Variants in CELF2 observed in about 807,000 individuals in gnomAD.
The protein encoded by CELF2 is CUGBP Elav-like family member 2, also known as CUG triplet repeat RNA-binding protein 2.
CELF2 carries 8 observed loss-of-function variants against 62.6 expected under a neutral mutation model. The observed-to-expected ratio is 0.13, with a 90% confidence interval of 0.07 to 0.23. CELF2 has a LOEUF of 0.23. CELF2 is among the 10% of genes least tolerant of loss of function. The pLI is 1.00. For synonymous variants in CELF2, 258 were observed against 250.0 expected, an observed-to-expected ratio of 1.03 and a Z score of -0.30; for missense variants, 333 against 671.0, an observed-to-expected ratio of 0.50 and a Z score of 5.56.
At chr10:10,602,986 A>G in the CELF2 span, among the ~76,000 whole-genome samples, 2 of 152,234 alleles carry the variant, frequency 1.3e-5, no homozygotes, top group African/African-American at 4.8e-5. Flanking sequence ...GCCCAGGGAA[A>G]GCACAAAGAG....
rs528769359 is a variant in CELF2 at position 10,800,817 on chromosome 10, T to G, written c.53+2000T>G. On this transcript the variant is annotated intron_variant, in intron 1 of 13. Coordinates refer to the CELF2 transcript ENST00000636488. ...AAATGGTAAAGTGCTTCTTTAAATGTTCTTAGGATACATCTATTAGAATAA... is the reference window on the plus strand; with the variant it reads ...AAATGGTAAAGTGCTTCTTTAAATGGTCTTAGGATACATCTATTAGAATAA... 1.2e-3 allele frequency among the ~76,000 whole-genome samples: 186 copies of G among 152,300 alleles called. 1 individual carries two copies. Among genetic ancestry groups the G allele is most frequent in the Non-Finnish European group, 3.2e-4 (22 of 68,024 alleles).
chr10:11,153,996 G>T (rs2063820810), intron 1 of CELF2, among the ~76,000 whole-genome samples: 1 of 152,180 alleles, frequency 6.6e-6, no homozygotes, highest in Admixed American at 6.5e-5. Context: ...ACTCCATCTG[G>T]CTGTGTTTGG....
At chr10:10,632,133 T>C in the CELF2 span, among the ~76,000 whole-genome samples, 3 of 152,196 alleles carry the variant, frequency 2.0e-5, no homozygotes, top group African/African-American at 7.2e-5. Flanking sequence ...GCCAAAATGC[T>C]TTAGGCTATA....
the CELF2 span, among the ~76,000 whole-genome samples, chr10:10,683,100 T>G: frequency 6.6e-6 from 1 of 152,218 alleles, no homozygotes; most frequent in African/African-American, 2.4e-5. Flanking sequence ...TTTGCCCTCT[T>G]AAATAATTTA....
At chr10:10,487,035 T>C in the CELF2 span, among the ~76,000 whole-genome samples, 1 of 152,164 alleles carries the variant, frequency 6.6e-6, no homozygotes, top group Admixed American at 6.5e-5. Context: ...TTCACTTGCA[T>C]AGAGAATGTA....
intron 11 of CELF2, among the ~76,000 whole-genome samples, chr10:11,323,848 A>G (rs1282255842): frequency 2.0e-5 from 3 of 152,216 alleles, no homozygotes; most frequent in Non-Finnish European, 4.4e-5. Context: ...CCATTTTTAA[A>G]AAAGGTATTT....
intron 1 of CELF2, among the ~76,000 whole-genome samples, chr10:10,831,085 G>A (rs754891048): frequency 5.3e-5 from 8 of 152,186 alleles, no homozygotes; most frequent in Non-Finnish European, 8.8e-5. Context: ...GGGCAATGGT[G>A]GAATCCTAGA....
At chr10:11,320,070 T>G (rs2095341412) in intron 10 of CELF2, among the ~76,000 whole-genome samples, 1 of 152,224 alleles carries the variant, frequency 6.6e-6, no homozygotes, top group Non-Finnish European at 1.5e-5. Context: ...ATGTTTTCAA[T>G]AAGCTCTTCT....
chr10:10,797,838 T>C (rs1384120224), upstream of CELF2, among the ~76,000 whole-genome samples: 1 of 152,176 alleles, frequency 6.6e-6, no homozygotes, highest in Admixed American at 6.5e-5. Context: ...GAAGAACCCA[T>C]ACGGGGCGAA....
chr10:10,567,660 G>A, the CELF2 span, among the ~76,000 whole-genome samples: 1 of 152,058 alleles, frequency 6.6e-6, no homozygotes. Flanking sequence ...ATGCTCAGGC[G>A]TCGATGCCTG....
chr10:10,694,761 A>C, the CELF2 span, among the ~76,000 whole-genome samples: 1 of 151,802 alleles, frequency 6.6e-6, no homozygotes, highest in South Asian at 2.1e-4. Context: ...CTTTACCATT[A>C]TGTAGTGGCC....
the CELF2 span, among the ~76,000 whole-genome samples, chr10:10,607,194 G>A: frequency 0.42 from 63,690 of 151,734 alleles, 14,038 homozygotes; most frequent in South Asian, 0.67. Flanking sequence ...TTCCACATCA[G>A]CCAACCACTT....
At chr10:10,527,408 C>G in the CELF2 span, among the ~76,000 whole-genome samples, 1 of 147,586 alleles carries the variant, frequency 6.8e-6, no homozygotes, top group African/African-American at 2.5e-5. Flanking sequence ...GTTCATGCCA[C>G]TGCTTTCCAG....
chr10:10,832,893 A>G lies in CELF2; in HGVS notation c.53+34076A>G, dbSNP rs548023353. Among the ~76,000 whole-genome samples the G allele has an allele frequency of 9.8e-5, 15 of 152,314 alleles. No homozygotes were observed. The South Asian group carries it at 2.9e-3, about 30-fold the overall frequency. On this transcript the variant is annotated intron_variant, in intron 1 of 13. Transcript: ENST00000636488. The stretch of plus-strand genomic sequence containing the variant: ...TAAAGAATAAGATGCTTCTGTTATG[A>G]AAACTGGCTTTCTCAGATATCCAAG...
At chr10:10,824,918 C>T (rs551704763) in intron 1 of CELF2, among the ~76,000 whole-genome samples, 49 of 152,186 alleles carry the variant, frequency 3.2e-4, no homozygotes, top group Non-Finnish European at 5.0e-4. Context: ...ACCTGGGCCA[C>T]CTAATGGAAA....
intron 3 of CELF2, among the ~76,000 whole-genome samples, chr10:11,241,973 C>G (rs964076772): frequency 6.6e-6 from 1 of 152,180 alleles, no homozygotes; most frequent in African/African-American, 2.4e-5. Flanking sequence ...CACAAGTATT[C>G]TCCATGGATG....
the CELF2 span, among the ~76,000 whole-genome samples, chr10:10,625,628 T>G: frequency 6.6e-6 from 1 of 151,952 alleles, no homozygotes; most frequent in African/African-American, 2.4e-5. Flanking sequence ...ACTTGATCAT[T>G]TACAACTCAG....
chr10:11,132,074 T>G (rs1381581424), intron 1 of CELF2, among the ~76,000 whole-genome samples: 1 of 152,256 alleles, frequency 6.6e-6, no homozygotes, highest in Non-Finnish European at 1.5e-5. Context: ...TGTGCACATG[T>G]GTGCCCAATG....
intron 1 of CELF2, among the ~76,000 whole-genome samples, chr10:11,084,029 A>G (rs966533081): frequency 1.3e-5 from 2 of 152,218 alleles, no homozygotes; most frequent in Non-Finnish European, 2.9e-5. Flanking sequence ...TTACCAGCCC[A>G]CTGTGAAGAT....
Sources: allele counts gnomAD v4.1 joint callset (sites outside exome capture counted in the v4.1 genomes callset), GRCh38; gene constraint gnomAD v4.1.1; transcripts MANE v1.5; gene names NCBI Gene and HGNC (gene_info 2026-07-23, HGNC 2026-07-21).